L3MBTL4: variants seen among roughly 807,000 people sequenced by gnomAD.
L3MBTL4 encodes the protein L3MBTL histone methyl-lysine binding protein 4, also known as lethal(3)malignant brain tumor-like protein 4.
Under a neutral mutation model 84.5 loss-of-function variants are expected in L3MBTL4, and 70 were observed. That is an observed-to-expected ratio of 0.83 (90% CI 0.68 to 1.01). The LOEUF is 1.01. Among genes scored for constraint, L3MBTL4 ranks in the 50% least tolerant of loss-of-function variants. L3MBTL4 has a pLI of 0.00. For missense variants in L3MBTL4, 715 were observed against 754.8 expected, an observed-to-expected ratio of 0.95 and a Z score of 0.62; for synonymous variants, 274 against 259.8, an observed-to-expected ratio of 1.05 and a Z score of -0.52.
At chr18:6,304,606 T>C (rs2050499969) in intron 3 of L3MBTL4, among the ~76,000 whole-genome samples, 1 of 152,234 alleles carries the variant, frequency 6.6e-6, no homozygotes, top group Non-Finnish European at 1.5e-5. Context: ...CACCACCTTT[T>C]AGCAGGGCAT....
At position 5,968,224 on chromosome 18, in the gene L3MBTL4, G is replaced by T. The variant is rs551511195; in HGVS notation, c.1614+1169C>A. 7.9e-4 allele frequency among the ~76,000 whole-genome samples: 120 copies of T among 152,350 alleles called. 1 individual carries two copies. The highest frequency in any genetic ancestry group is 1.2e-3 in the Non-Finnish European group (82 of 68,036). ...CTGTAGCTCTAATCTTGCCCTCAGA[G>T]TGACCCAGGGTTTTCCTTCACTTAA... On this transcript the variant is annotated intron_variant, in intron 17 of 18. Transcript: ENST00000317931.
At chr18:6,072,099 G>A (rs944858750) in intron 16 of L3MBTL4, among the ~76,000 whole-genome samples, 1 of 152,126 alleles carries the variant, frequency 6.6e-6, no homozygotes, top group South Asian at 2.1e-4. Flanking sequence ...ATGTTGAAGG[G>A]TCAATTGATT....
intron 16 of L3MBTL4, among the ~76,000 whole-genome samples, chr18:5,986,940 C>T (rs933336439): frequency 1.3e-5 from 2 of 152,236 alleles, no homozygotes; most frequent in African/African-American, 2.4e-5. Context: ...AGGAATTACT[C>T]CTTTTTCTGT....
chr18:5,956,168 T>A lies in L3MBTL4; in HGVS notation c.*52A>T. ...ACATCAAATTAATGTGCTCCACTTT[T>A]ATTGCTGAAAGAGCGCAGGTCTTGG... On this transcript the variant is annotated 3_prime_UTR_variant, in exon 19 of 19. Coordinates refer to ENST00000317931, the MANE Select transcript of L3MBTL4 (RefSeq NM_001330559.2). 2.0e-6 allele frequency: 3 copies of A among 1,488,456 alleles called. No homozygotes were observed. The highest frequency in any genetic ancestry group is 2.8e-6 in the Non-Finnish European group (3 of 1,080,704). 92.2% of individuals were successfully genotyped at this position (1,488,456 alleles called of 1,614,324 possible).
At chr18:6,118,419 T>C (rs1441014233) in intron 14 of L3MBTL4, among the ~76,000 whole-genome samples, 1 of 152,162 alleles carries the variant, frequency 6.6e-6, no homozygotes, top group East Asian at 1.9e-4. Context: ...AACATACCTT[T>C]CTGCACCACT....
Position 5,959,654 on chromosome 18 carries a change from C to T in L3MBTL4, c.1677+440G>A, listed in dbSNP as rs2095252327. ...TGGAGTAGACAAATCCCCAATCTTTCCCAGGTGCAATCCCAAGGGAGGATT... is the reference window on the plus strand; with the variant it reads ...TGGAGTAGACAAATCCCCAATCTTTTCCAGGTGCAATCCCAAGGGAGGATT... On this transcript the variant is annotated intron_variant, in intron 18 of 18. Coordinates refer to ENST00000317931, the MANE Select transcript of L3MBTL4 (RefSeq NM_001330559.2). Among the ~76,000 whole-genome samples, 3 of 152,148 alleles carry T rather than the reference C, an allele frequency of 2.0e-5. No homozygotes were observed. The South Asian group carries it at 6.2e-4, about 32-fold the overall frequency.
At chr18:6,252,033 C>A (rs571908740) in intron 5 of L3MBTL4, among the ~76,000 whole-genome samples, 1 of 152,290 alleles carries the variant, frequency 6.6e-6, no homozygotes, top group Non-Finnish European at 1.5e-5. Flanking sequence ...CAAGACAGGC[C>A]GGGCACGGTG....
intron 16 of L3MBTL4, among the ~76,000 whole-genome samples, chr18:6,075,800 C>T (rs564556479): frequency 1.3e-5 from 2 of 152,162 alleles, no homozygotes; most frequent in Non-Finnish European, 2.9e-5. Flanking sequence ...AGAACTCCTA[C>T]ATATCAATAA....
intron 16 of L3MBTL4, among the ~76,000 whole-genome samples, chr18:6,040,877 A>C (rs1266136273): frequency 6.6e-6 from 1 of 152,216 alleles, no homozygotes; most frequent in Non-Finnish European, 1.5e-5. Flanking sequence ...GAGGAGATTA[A>C]GTCAACATAA....
intron 16 of L3MBTL4, among the ~76,000 whole-genome samples, chr18:6,022,376 A>T (rs1046877674): frequency 1.3e-5 from 2 of 152,172 alleles, no homozygotes; most frequent in Non-Finnish European, 2.9e-5. Flanking sequence ...GCCTCTGACC[A>T]CGTGCCTTAT....
intron 16 of L3MBTL4, among the ~76,000 whole-genome samples, chr18:5,998,060 T>C (rs1198036700): frequency 6.6e-6 from 1 of 152,090 alleles, no homozygotes; most frequent in Non-Finnish European, 1.5e-5. Context: ...AAACCATAGA[T>C]ACAAAACAGC....
At chr18:6,343,661 CA>C (rs1192917126) in intron 1 of L3MBTL4, among the ~76,000 whole-genome samples, 210 of 85,798 alleles carry the variant, frequency 2.4e-3, no homozygotes, top group Middle Eastern at 7.2e-3. Context: ...GACACCATAT[CA>C]AAAAAAAAAA....
intron 16 of L3MBTL4, among the ~76,000 whole-genome samples, chr18:6,070,682 A>C (rs7505666): frequency 1.1e-4 from 16 of 151,898 alleles, no homozygotes; most frequent in African/African-American, 3.6e-4. Context: ...AACAAAAAAA[A>C]CAAAAATTAG....
At chr18:6,154,746 A>AT (rs1568213825) in intron 13 of L3MBTL4, among the ~76,000 whole-genome samples, 2 of 152,128 alleles carry the variant, frequency 1.3e-5, no homozygotes, top group African/African-American at 2.4e-5. Context: ...ATTAAACATG[A>AT]TTTTTTGCAT....
At chr18:6,078,628 G>A (rs1018098956) in intron 16 of L3MBTL4, among the ~76,000 whole-genome samples, 1 of 151,980 alleles carries the variant, frequency 6.6e-6, no homozygotes, top group Non-Finnish European at 1.5e-5. Context: ...ATAATAATGG[G>A]GATTAGTCCC....
rs547526488 is a variant in L3MBTL4, at chr18:6,336,219, A to G, written c.-90-24163T>C. Among the ~76,000 whole-genome samples, 201 of 151,484 alleles carry G rather than the reference A, an allele frequency of 1.3e-3. 1 individual carries two copies. The highest frequency in any genetic ancestry group is 4.5e-3 in the African/African-American group (185 of 40,898). ...GGCATTGGAGAGCTATGAAAGAAAT[A>G]AGAACTAGAAAGTATAAGATTACCT... On this transcript the variant is annotated intron_variant, in intron 1 of 18. Coordinates refer to ENST00000317931, the MANE Select transcript of L3MBTL4 (RefSeq NM_001330559.2).
intron 1 of L3MBTL4, among the ~76,000 whole-genome samples, chr18:6,360,623 C>T (rs765609122): frequency 1.3e-5 from 2 of 152,066 alleles, no homozygotes; most frequent in African/African-American, 4.8e-5. Flanking sequence ...AAATCATAAT[C>T]CCCAATGTGC....
chr18:6,156,064 C>T (rs1353656233), intron 13 of L3MBTL4, among the ~76,000 whole-genome samples: 2 of 152,174 alleles, frequency 1.3e-5, no homozygotes, highest in Non-Finnish European at 2.9e-5. Context: ...CCCTTGCCCA[C>T]TTCTCATTCT....
chr18:6,148,714 A>G (rs1043072450), intron 13 of L3MBTL4, among the ~76,000 whole-genome samples: 1 of 152,154 alleles, frequency 6.6e-6, no homozygotes, highest in Non-Finnish European at 1.5e-5. Context: ...TACAGGCATG[A>G]GCTACCATGC....
Sources: allele counts gnomAD v4.1 joint callset (sites outside exome capture counted in the v4.1 genomes callset), GRCh38; gene constraint gnomAD v4.1.1; transcripts MANE v1.5; gene names NCBI Gene and HGNC (gene_info 2026-07-23, HGNC 2026-07-21).